Variants in PPP1R26 observed in about 807,000 individuals in gnomAD.
PPP1R26 encodes 1A6/DRIM (down-regulated in metastasis) interacting protein.
PPP1R26 carries 22 observed loss-of-function variants against 67.6 expected under a neutral mutation model. The observed-to-expected ratio is 0.33, with a 90% confidence interval of 0.23 to 0.46. The LOEUF is 0.46. Ranked by LOEUF, PPP1R26 falls within the 20% of genes least tolerant of loss-of-function variation. The probability of loss-of-function intolerance (pLI) is 1.00; values close to 1 mark genes in which losing one functional copy is unlikely to be tolerated. For synonymous variants in PPP1R26, 729 were observed against 717.2 expected (o/e 1.02, Z -0.26); for missense variants, 1,602 against 1,651.4 (o/e 0.97, Z 0.52).
chr9:135,487,095 G>A lies in PPP1R26; in HGVS notation c.2585G>A (p.Gly862Asp), dbSNP rs766934869. 6 of 1,611,422 alleles carry A rather than the reference G, an allele frequency of 3.7e-6. No homozygotes were observed. The highest frequency in any genetic ancestry group is 5.1e-6 in the Non-Finnish European group (6 of 1,179,988). Reference protein sequence around the residue: ...SVSSSEVQAEGPTALGTGGPA... With the variant: ...SVSSSEVQAEDPTALGTGGPA... ...AGCAGTTCAGAAGTTCAGGCAGAGGGCCCCACCGCTCTTGGGACAGGGGGC... is the reference window on the plus strand; with the variant it reads ...AGCAGTTCAGAAGTTCAGGCAGAGGACCCCACCGCTCTTGGGACAGGGGGC... The change falls in exon 4 of 4, where the codon GGC becomes GAC. Residue 862 changes from glycine (G) to aspartate (D), a missense_variant. Gly to Asp is a moderately conservative substitution (Grantham distance 94, BLOSUM62 -1). Coordinates refer to ENST00000356818, the MANE Select transcript of PPP1R26 (RefSeq NM_014811.5).
chr9:135,479,744 C>A (rs1238914648), upstream of PPP1R26: 1 of 143,902 alleles, frequency 6.9e-6, no homozygotes, highest in Non-Finnish European at 1.5e-5. This position sits in a 1 kb window ranked among gnomAD's most constrained non-coding sequence, Gnocchi z 5.9. Context: ...GGGGAGGGGG[C>A]GGCTTGGGGG....
In PPP1R26 at chr9:135,479,842, G is replaced by A. The variant is rs956469193; in HGVS notation, c.-509G>A. 1.4e-5 allele frequency: 2 copies of A among 144,432 alleles called. No homozygotes were observed. Among genetic ancestry groups the A allele is most frequent in the Non-Finnish European group, 3.1e-5 (2 of 65,114 alleles). The allele number at this position is 144,432 out of a possible 1,614,324, so 8.9% of individuals were successfully genotyped here. A position where few individuals can be genotyped will look rare whatever the true frequency, so the allele number is the denominator to read the frequency against. On this transcript the variant is annotated 5_prime_UTR_variant, in exon 1 of 4. Transcript: ENST00000356818. This position sits in a 1 kb window ranked among gnomAD's most constrained non-coding sequence, Gnocchi z 5.9. ...GGGGCGGCGGCAGCGGCGGCGCGCG[G>A]GGAGGCGGGGAGGCGGGGGGCCCGG...
Position 135,486,076 on chromosome 9 carries a change from C to T in PPP1R26, c.1566C>T (p.Asp522=), listed in dbSNP as rs61729557. 1.3e-3 allele frequency: 2,068 copies of T among 1,613,084 alleles called. 24 individuals are homozygous for T. In the African/African-American group the frequency reaches 0.024, roughly 19 times the overall value. Residue 522 remains aspartate (D), a synonymous_variant, in exon 4 of 4, where the codon GAC becomes GAT. Coordinates refer to ENST00000356818, the MANE Select transcript of PPP1R26 (RefSeq NM_014811.5). The surrounding 1 kb of genome is among the most constrained non-coding windows in gnomAD (Gnocchi z 6.2). ...CCCCGAACGTGCCTTCCCGCTCTGA[C>T]GGCGACAGTAGCTCCGTGGACAGCG... The part of the protein sequence containing the change: ...FYSPNVPSRS[D]GDSSSVDSDD...
chr9:135,486,014 A>T lies in PPP1R26; in HGVS notation c.1504A>T (p.Ser502Cys). 2 of 1,613,204 alleles carry T rather than the reference A, an allele frequency of 1.2e-6. No homozygotes were observed. The highest frequency in any genetic ancestry group is 2.2e-5 in the South Asian group (2 of 91,076). ...KTILPAPVEGSDGSLSASPLF... is the reference protein window; with the variant it reads ...KTILPAPVEGCDGSLSASPLF... ...GATCCTGCCGGCCCCTGTAGAGGGC[A>T]GTGACGGGTCCCTGTCCGCAAGCCC... is the stretch of plus-strand genomic sequence containing the variant. Residue 502 changes from serine to cysteine, a missense_variant, in exon 4 of 4, where the codon AGT becomes TGT. By Grantham distance (112) the Ser-to-Cys change is moderately radical. Transcript: ENST00000356818. The surrounding 1 kb of genome is among the most constrained non-coding windows in gnomAD (Gnocchi z 6.2).
chr9:135,485,517 G>A lies in PPP1R26; in HGVS notation c.1007G>A (p.Gly336Glu), dbSNP rs758771893. The A allele has an allele frequency of 3.7e-6, 6 of 1,613,170 alleles. No individual in the cohort carries two copies. In the South Asian group the frequency reaches 5.5e-5, roughly 15 times the overall value. The change falls in exon 4 of 4, where the codon GGG becomes GAG. Residue 336 changes from glycine to glutamate, a missense_variant. Transcript: ENST00000356818. This position sits in a 1 kb window ranked among gnomAD's most constrained non-coding sequence, Gnocchi z 7.2. Reference sequence around the variant, plus strand: ...TCAGAAGCAGCACAGAATAAAGGTGGGATCAAAAGGAGCGCCAGCGCTGCA... The same window carrying A: ...TCAGAAGCAGCACAGAATAAAGGTGAGATCAAAAGGAGCGCCAGCGCTGCA... ...RPSEAAQNKG[G>E]IKRSASAARR... is the part of the protein sequence containing the mutation.
In PPP1R26 at chr9:135,488,275, C is replaced by T; in HGVS notation, c.*135C>T. 8.1e-7 allele frequency: 1 copy of T among 1,234,598 alleles called. No homozygotes were observed. The highest frequency in any genetic ancestry group is 1.0e-6 in the Non-Finnish European group (1 of 972,132). The allele number at this position is 1,234,598 out of a possible 1,614,324, so 76.5% of individuals were successfully genotyped here. ...ATACATAGCCCTGTATATATGTACA[C>T]CAACATGAAACTTTTATTTAACAGA... is the stretch of plus-strand genomic sequence containing the variant. On this transcript the variant is annotated 3_prime_UTR_variant, in exon 4 of 4. Coordinates refer to ENST00000356818, the MANE Select transcript of PPP1R26 (RefSeq NM_014811.5).
intron 1 of PPP1R26, among the ~76,000 whole-genome samples, chr9:135,481,097 C>T (rs1344304072): frequency 6.6e-6 from 1 of 152,160 alleles, no homozygotes; most frequent in Non-Finnish European, 1.5e-5. Context: ...AATCTGACAC[C>T]GTGTGGCCTT....
Position 135,484,434 on chromosome 9 carries a change from T to C in PPP1R26, c.-62-15T>C, listed in dbSNP as rs1011683077. On this transcript the variant is annotated splice_polypyrimidine_tract_variant and intron_variant, in intron 3 of 3. Coordinates refer to ENST00000356818, the MANE Select transcript of PPP1R26 (RefSeq NM_014811.5). ...TTGTAGCTGCATCATGCCCATGTGC[T>C]TTCTTTCCGCCCAGGATGTGAAGCC... is the stretch of plus-strand genomic sequence containing the variant. 1.7e-5 allele frequency: 23 copies of C among 1,361,486 alleles called. No individual in the cohort carries two copies. Among genetic ancestry groups the C allele is most frequent in the Non-Finnish European group, 2.2e-5 (22 of 994,696 alleles). 84.3% of individuals were successfully genotyped at this position (1,361,486 alleles called of 1,614,324 possible).
At position 135,487,299 on chromosome 9, in the gene PPP1R26, C is replaced by A; in HGVS notation, c.2789C>A (p.Ala930Asp). 1 of 1,556,368 alleles carries A rather than the reference C, an allele frequency of 6.4e-7. No individual in the cohort carries two copies. The highest frequency in any genetic ancestry group is 1.2e-5 in the South Asian group (1 of 81,706). Residue 930 changes from alanine to aspartate, a missense_variant, in exon 4 of 4, where the codon GCT becomes GAT. Coordinates refer to ENST00000356818, the MANE Select transcript of PPP1R26 (RefSeq NM_014811.5). ...CAGGGCGGGAAGGGGCTCCCTGCTGCTCCTGCCCGAGGGGATCCGGTGCCG... is the reference window on the plus strand; with the variant it reads ...CAGGGCGGGAAGGGGCTCCCTGCTGATCCTGCCCGAGGGGATCCGGTGCCG... ...FSQGGKGLPA[A>D]PARGDPVPPR...
At chr9:135,481,901 C>T (rs557517577) in intron 1 of PPP1R26, among the ~76,000 whole-genome samples, 3 of 152,186 alleles carry the variant, frequency 2.0e-5, no homozygotes, top group African/African-American at 7.2e-5. Context: ...TTACAGGCGT[C>T]AGCCACTGCA....
rs761070109 is a variant in PPP1R26, at chr9:135,487,716, G to A, written c.3206G>A (p.Gly1069Asp). ...RDKGSEGPAR[G>D]LPSLPLAGFS... ...AAGGGGTCCGAGGGCCCCGCCCGGG[G>A]CCTGCCCAGCCTGCCCCTTGCGGGC... Residue 1069 changes from glycine to aspartate, a missense_variant, in exon 4 of 4, where the codon GGC becomes GAC. By Grantham distance (94) the Gly-to-Asp change is moderately conservative. This residue lies in a region of PPP1R26 where 740 missense variants were observed against 696.3 expected (regional missense o/e 1.06). Transcript: ENST00000356818. The A allele has an allele frequency of 2.1e-6, 3 of 1,449,644 alleles. No individual in the cohort carries two copies. The highest frequency in any genetic ancestry group is 2.9e-5 in the African/African-American group (2 of 70,062). The allele number at this position is 1,449,644 out of a possible 1,614,324, so 89.8% of individuals were successfully genotyped here.
chr9:135,484,986 C>T lies in PPP1R26; in HGVS notation c.476C>T (p.Ala159Val), dbSNP rs555143417. Reference sequence around the variant, plus strand: ...GGGGCCGGCGGGGCCCAGCCAGGTGCAGCCCAGCCTTCCAGGGCCGCAGGC... The same window carrying T: ...GGGGCCGGCGGGGCCCAGCCAGGTGTAGCCCAGCCTTCCAGGGCCGCAGGC... ...QPGAGGAQPG[A>V]AQPSRAAGGG... The change falls in exon 4 of 4, where the codon GCA (alanine) becomes GTA (valine). Residue 159 changes from alanine (A) to valine (V), a missense_variant. Transcript: ENST00000356818. The T allele has an allele frequency of 1.3e-6, 2 of 1,582,224 alleles. No individual in the cohort carries two copies. The highest frequency in any genetic ancestry group is 2.3e-5 in the South Asian group (2 of 85,664).
In PPP1R26 at chr9:135,484,947, G is replaced by A; in HGVS notation, c.437G>A (p.Gly146Glu). ...CAGGAGTACCTGAAGGCAAAGAGTG[G>A]AGCCGCACAGCCCGGGGCCGGCGGG... ...AIQEYLKAKSGAAQPGAGGAQ... is the reference protein window; with the variant it reads ...AIQEYLKAKSEAAQPGAGGAQ... The change falls in exon 4 of 4, where the codon GGA (glycine) becomes GAA (glutamate). Residue 146 changes from glycine to glutamate, a missense_variant. Physicochemically the swap from Gly to Glu is moderately conservative, Grantham distance 98. Coordinates refer to ENST00000356818, the MANE Select transcript of PPP1R26 (RefSeq NM_014811.5). 6.3e-7 allele frequency: 1 copy of A among 1,580,754 alleles called. No homozygotes were observed. The highest frequency in any genetic ancestry group is 1.2e-5 in the South Asian group (1 of 85,468).
In PPP1R26 at chr9:135,486,232, G is replaced by C. The variant is rs766014114; in HGVS notation, c.1722G>C (p.Gln574His). Residue 574 changes from glutamine to histidine, a missense_variant, in exon 4 of 4, where the codon CAG becomes CAC. By Grantham distance (24) the Gln-to-His change is conservative (BLOSUM62 0). This residue lies in a region of PPP1R26 where 680 missense variants were observed against 726.1 expected (regional missense o/e 0.94). Coordinates refer to ENST00000356818, the MANE Select transcript of PPP1R26 (RefSeq NM_014811.5). This position sits in a 1 kb window ranked among gnomAD's most constrained non-coding sequence, Gnocchi z 6.2. ...TTTTGCCGCCTGGCCTCAACAGCCA[G>C]ACCGGCGGCCACAAGACCCCTCTCT... ...GPLLPPGLNSQTGGHKTPLSK... is the reference protein window; with the variant it reads ...GPLLPPGLNSHTGGHKTPLSK... 1.4e-5 allele frequency: 23 copies of C among 1,612,870 alleles called. No individual in the cohort carries two copies. The highest frequency in any genetic ancestry group is 3.3e-4 in the Middle Eastern group (2 of 6,084).
At position 135,485,053 on chromosome 9, in the gene PPP1R26, C is replaced by T; in HGVS notation, c.543C>T (p.Ala181=). ...RCKPEPAHGS[A]PTALCPPKLV... is the part of the protein sequence containing the mutation. ...AGCCGGAACCGGCTCACGGCAGTGC[C>T]CCGACTGCCCTGTGTCCCCCAAAAC... Residue 181 remains alanine (A), a synonymous_variant, in exon 4 of 4, where the codon GCC becomes GCT. Transcript: ENST00000356818. The surrounding 1 kb of genome is among the most constrained non-coding windows in gnomAD (Gnocchi z 7.2). The T allele has an allele frequency of 6.2e-7, 1 of 1,603,176 alleles. No individual in the cohort carries two copies. The highest frequency in any genetic ancestry group is 1.1e-5 in the South Asian group (1 of 89,270).
Position 135,488,878 on chromosome 9 carries a change from C to G in PPP1R26, c.*738C>G, listed in dbSNP as rs1443419452. The G allele has an allele frequency of 6.0e-6, 1 of 166,560 alleles. No individual in the cohort carries two copies. The highest frequency in any genetic ancestry group is 2.4e-5 in the African/African-American group (1 of 41,452). The allele number at this position is 166,560 out of a possible 1,614,324, so 10.3% of individuals were successfully genotyped here. Reference sequence around the variant, plus strand: ...TAGATGATTCTAACATCGAAATAAACCTCTTTTTATATGGCGTTACTGTTC... The same window carrying G: ...TAGATGATTCTAACATCGAAATAAAGCTCTTTTTATATGGCGTTACTGTTC... On this transcript the variant is annotated 3_prime_UTR_variant, in exon 4 of 4. Coordinates refer to ENST00000356818, the MANE Select transcript of PPP1R26 (RefSeq NM_014811.5).
Position 135,485,256 on chromosome 9 carries a change from T to C in PPP1R26, c.746T>C (p.Val249Ala). 1 of 1,612,836 alleles carries C rather than the reference T, an allele frequency of 6.2e-7. No homozygotes were observed. The highest frequency in any genetic ancestry group is 8.5e-7 in the Non-Finnish European group (1 of 1,179,964). Reference protein sequence around the residue: ...QHETQKCDGSVEKKPDTNENS... With the variant: ...QHETQKCDGSAEKKPDTNENS... ...GAGACCCAAAAATGTGATGGGTCAG[T>C]GGAGAAGAAACCAGACACAAATGAA... is the stretch of plus-strand genomic sequence containing the variant. The change falls in exon 4 of 4, where the codon GTG becomes GCG. Residue 249 changes from valine to alanine, a missense_variant. Transcript: ENST00000356818. The surrounding 1 kb of genome is among the most constrained non-coding windows in gnomAD (Gnocchi z 7.2).
chr9:135,483,647 C>A (rs1830601953), intron 2 of PPP1R26: 2 of 220,216 alleles, frequency 9.1e-6, no homozygotes, highest in Non-Finnish European at 1.8e-5. Flanking sequence ...TTCCTCCCTG[C>A]AGTGGCAATC....
At position 135,486,744 on chromosome 9, in the gene PPP1R26, G is replaced by A; in HGVS notation, c.2234G>A (p.Arg745Lys). Residue 745 changes from arginine to lysine, a missense_variant, in exon 4 of 4, where the codon AGG (arginine) becomes AAG (lysine). Coordinates refer to ENST00000356818, the MANE Select transcript of PPP1R26 (RefSeq NM_014811.5). The surrounding 1 kb of genome is among the most constrained non-coding windows in gnomAD (Gnocchi z 6.2). ...LGGLRRDWKDRGPPVLKSCLS... is the reference protein window; with the variant it reads ...LGGLRRDWKDKGPPVLKSCLS... ...GGGCTCCGGAGAGACTGGAAAGACA[G>A]GGGCCCGCCAGTGCTGAAGAGCTGC... The A allele has an allele frequency of 6.4e-7, 1 of 1,572,054 alleles. No homozygotes were observed. The highest frequency in any genetic ancestry group is 2.4e-5 in the East Asian group (1 of 42,494).
Sources: allele counts gnomAD v4.1 joint callset (sites outside exome capture counted in the v4.1 genomes callset), GRCh38; gene constraint gnomAD v4.1.1; regional missense constraint gnomAD v4.1.1; non-coding constraint Gnocchi (gnomAD v3.1); transcripts MANE v1.5; gene names NCBI Gene and HGNC (gene_info 2026-07-23, HGNC 2026-07-21).